The following DGKD variants were observed in gnomAD, a reference collection of about 807,000 sequenced individuals.
DGKD encodes diacylglycerol kinase delta, also known as DAG kinase delta.
In DGKD, 68 loss-of-function variants were observed where a neutral mutation model predicts 154.4. The observed-to-expected ratio is 0.44, with a 90% CI of 0.36 to 0.54. The LOEUF (loss-of-function observed/expected upper bound fraction) is 0.54. Ranked by LOEUF, DGKD falls within the 20% of genes least tolerant of loss-of-function variation. The pLI is 0.00. For synonymous variants in DGKD, 693 were observed against 638.0 expected (o/e 1.09, Z -1.30); for missense variants, 1,343 against 1,593.6 (o/e 0.84, Z 2.68).
chr2:233,442,194 G>A (rs924408757), intron 10 of DGKD, 199 bp downstream of exon 10: 12 of 683,508 alleles, frequency 1.8e-5, no homozygotes, highest in Non-Finnish European at 3.2e-5. Flanking sequence ...GTGGAGGCCC[G>A]GGGGCTCTGG....
At chr2:233,377,771 G>T (rs574346783) in intron 1 of DGKD, among the ~76,000 whole-genome samples, 1 of 152,044 alleles carries the variant, frequency 6.6e-6, no homozygotes, top group Non-Finnish European at 1.5e-5. Context: ...CTGTCTCCCC[G>T]TTGCCATAGA....
At chr2:233,414,118 G>T (rs1373891465) in intron 3 of DGKD, among the ~76,000 whole-genome samples, 1 of 152,172 alleles carries the variant, frequency 6.6e-6, no homozygotes, top group Non-Finnish European at 1.5e-5. Flanking sequence ...TTCCTGGACA[G>T]ATTACAAATG....
rs763301780 is a variant in DGKD, at chr2:233,354,567, C to A, written c.49C>A (p.Pro17Thr). Residue 17 changes from proline to threonine, a missense_variant, in exon 1 of 30, where the codon CCG becomes ACG. Physicochemically the swap from Pro to Thr is conservative, Grantham distance 38. Transcript: ENST00000264057. This position sits in a 1 kb window ranked among gnomAD's most constrained non-coding sequence, Gnocchi z 4.8. ...APPPGPPQPP[P>T]PPPPEESSDS... ...TCCGCCGGGTCCCCCGCAACCGCCT[C>A]CGCCGCCGCCGCCCGAGGAGTCGTC... 364 of 1,061,664 alleles carry A rather than the reference C, an allele frequency of 3.4e-4. No homozygotes were observed. Among genetic ancestry groups the A allele is most frequent in the Non-Finnish European group, 4.1e-4 (356 of 870,610 alleles). The allele number at this position is 1,061,664 out of a possible 1,614,324, so 65.8% of individuals were successfully genotyped here. A position where few individuals can be genotyped will look rare whatever the true frequency, so the allele number is the denominator to read the frequency against.
chr2:233,448,124 C>T lies in DGKD; in HGVS notation c.1457C>T (p.Ala486Val). ...QILFYEDSVAAHLSKILTSDQ... is the reference protein window; with the variant it reads ...QILFYEDSVAVHLSKILTSDQ... The stretch of plus-strand genomic sequence containing the variant: ...CTCTTCTATGAAGACTCGGTTGCAG[C>T]CCACCTTTCTAAAATCCTCACCTCG... Residue 486 changes from alanine to valine, a missense_variant, in exon 13 of 30, where the codon GCC becomes GTC. Around this residue, in one of 6 missense-constraint regions of DGKD, gnomAD observed 409 missense variants for 446.0 expected, o/e 0.92. Transcript: ENST00000264057. 6.2e-7 allele frequency: 1 copy of T among 1,614,100 alleles called. No homozygotes were observed. Among genetic ancestry groups the T allele is most frequent in the South Asian group, 1.1e-5 (1 of 91,062 alleles).
rs991019816 is a variant in DGKD at position 233,434,276 on chromosome 2, A to G, written c.349-104A>G. 1.7e-5 allele frequency: 14 copies of G among 822,016 alleles called. No individual in the cohort carries two copies. In the African/African-American group the frequency reaches 1.7e-4, roughly 10 times the overall value. The allele number at this position is 822,016 out of a possible 1,614,324, so 50.9% of individuals were successfully genotyped here. A position where few individuals can be genotyped will look rare whatever the true frequency, so the allele number is the denominator to read the frequency against. ...GGTTCAGTGTGAATACCTGAATGAA[A>G]TAGTAATTTTTATGTCTGTGTGAGG... On this transcript the variant is annotated intron_variant, in intron 3 of 29. Transcript: ENST00000264057.
At position 233,457,350 on chromosome 2, in the gene DGKD, G is replaced by A. The variant is rs201136581; in HGVS notation, c.2580+22G>A. On this transcript the variant is annotated intron_variant, in intron 21 of 29. Coordinates refer to ENST00000264057, the MANE Select transcript of DGKD (RefSeq NM_152879.3). This position sits in a 1 kb window ranked among gnomAD's most constrained non-coding sequence, Gnocchi z 5.5. ...TGATGTATGTATGGGGTGTGAGCGGGTGGGCCTGAGCTCAGTGGGGAAGAG... is the reference window on the plus strand; with the variant it reads ...TGATGTATGTATGGGGTGTGAGCGGATGGGCCTGAGCTCAGTGGGGAAGAG... 27 of 1,539,322 alleles carry A rather than the reference G, an allele frequency of 1.8e-5. No individual in the cohort carries two copies. In the East Asian group the frequency reaches 3.6e-4, roughly 21 times the overall value.
chr2:233,431,378 A>G (rs554875704), intron 3 of DGKD, among the ~76,000 whole-genome samples: 1 of 152,394 alleles, frequency 6.6e-6, no homozygotes, highest in Non-Finnish European at 1.5e-5. Flanking sequence ...AAGAATCAAC[A>G]TTGTGAAAAT....
At chr2:233,428,444 C>T (rs1451946679) in intron 3 of DGKD, among the ~76,000 whole-genome samples, 1 of 152,146 alleles carries the variant, frequency 6.6e-6, no homozygotes, top group Admixed American at 6.5e-5. Flanking sequence ...AAAGGGGTCT[C>T]AGCAGTGTCA....
intron 8 of DGKD, 35 bp downstream of exon 8, chr2:233,437,514 G>T: frequency 6.3e-7 from 1 of 1,581,266 alleles, no homozygotes; most frequent in Non-Finnish European, 8.7e-7. Flanking sequence ...TCTCATGCAC[G>T]CCCACACGCT....
At chr2:233,435,757 C>T in intron 5 of DGKD, 61 bp from the exon 6 acceptor site, 1 of 1,516,846 alleles carries the variant, frequency 6.6e-7, no homozygotes, top group Non-Finnish European at 9.0e-7. Context: ...CAACACTGCT[C>T]AGCATGGGAA....
chr2:233,370,411 AC>A (rs1382414873), intron 1 of DGKD, among the ~76,000 whole-genome samples: 1 of 151,218 alleles, frequency 6.6e-6, no homozygotes, highest in Non-Finnish European at 1.5e-5. Context: ...AGGGGGTTTC[AC>A]CATGTTGTGG....
chr2:233,428,867 G>GTTT (rs10628027), intron 3 of DGKD, among the ~76,000 whole-genome samples: 4,071 of 145,474 alleles, frequency 0.028, 122 homozygotes, highest in African/African-American at 0.072. Flanking sequence ...CAAATAAGAG[G>GTTT]TTTTTTTTTG....
At chr2:233,389,355 A>T (rs1394861507) in intron 2 of DGKD, among the ~76,000 whole-genome samples, 1 of 152,184 alleles carries the variant, frequency 6.6e-6, no homozygotes, top group Admixed American at 6.5e-5. Flanking sequence ...GTTTAAGCGG[A>T]TGTGGTGTTA....
At chr2:233,396,841 A>C (rs1178891249) in intron 3 of DGKD, among the ~76,000 whole-genome samples, 1 of 152,054 alleles carries the variant, frequency 6.6e-6, no homozygotes, top group East Asian at 1.9e-4. Context: ...GGATGGGGAC[A>C]CCACGTGGAG....
In DGKD at chr2:233,464,185, G is replaced by A. The variant is rs202046773; in HGVS notation, c.3208G>A (p.Glu1070Lys). The change falls in exon 27 of 30, where the codon GAG (glutamate) becomes AAG (lysine). Residue 1070 changes from glutamate to lysine, a missense_variant. Physicochemically the swap from Glu to Lys is moderately conservative, Grantham distance 56. This residue lies in a region of DGKD where 429 missense variants were observed against 496.3 expected (regional missense o/e 0.86). Transcript: ENST00000264057. ...GCAGCAGCTGGATCCGCCTCAGAAG[G>A]AGCAGCTGGGGAGTGCTCTTGCCGA... ...MALQLDPPQKEQLGSALAEMD... is the reference protein window; with the variant it reads ...MALQLDPPQKKQLGSALAEMD... 52 of 1,613,484 alleles carry A rather than the reference G, an allele frequency of 3.2e-5. No individual in the cohort carries two copies. Among genetic ancestry groups the A allele is most frequent in the Non-Finnish European group, 4.0e-5 (47 of 1,180,040 alleles).
At chr2:233,454,004 T>C (rs2063375504) in intron 18 of DGKD, among the ~76,000 whole-genome samples, 1 of 152,250 alleles carries the variant, frequency 6.6e-6, no homozygotes, top group Non-Finnish European at 1.5e-5. Flanking sequence ...TGAGTTTCTG[T>C]GCCATAAACA....
intron 3 of DGKD, among the ~76,000 whole-genome samples, chr2:233,422,049 T>A (rs1267659314): frequency 6.6e-6 from 1 of 152,040 alleles, no homozygotes; most frequent in Non-Finnish European, 1.5e-5. Flanking sequence ...GCCCCCTAAG[T>A]GTGTAGTAGG....
chr2:233,397,024 G>GCGCCAGA (rs1324319573), intron 3 of DGKD, among the ~76,000 whole-genome samples: 1 of 18,974 alleles, frequency 5.3e-5, no homozygotes, highest in Admixed American at 4.5e-4. Flanking sequence ...GCTGGGGGGG[G>GCGCCAGA]GGGCGCCAGA....
At position 233,383,286 on chromosome 2, in the gene DGKD, C is replaced by T. The variant is rs750668752; in HGVS notation, c.157-4971C>T. On this transcript the variant is annotated intron_variant, in intron 1 of 29. Transcript: ENST00000264057. ...GAACTCCTGACCTCAGGTGATCCAC[C>T]TGCTTCGGCCTTCCAAAGTGCTGGA... Among the ~76,000 whole-genome samples the T allele has an allele frequency of 9.2e-5, 14 of 152,280 alleles. No homozygotes were observed. The South Asian group carries it at 2.9e-3, about 32-fold the overall frequency.
Sources: allele counts gnomAD v4.1 joint callset (sites outside exome capture counted in the v4.1 genomes callset), GRCh38; gene constraint gnomAD v4.1.1; regional missense constraint gnomAD v4.1.1; non-coding constraint Gnocchi (gnomAD v3.1); transcripts MANE v1.5; gene names NCBI Gene and HGNC (gene_info 2026-07-23, HGNC 2026-07-21).